MLLT11: variants seen among roughly 807,000 people sequenced by gnomAD.
MLLT11 encodes protein AF1q.
Under a neutral mutation model 5.3 loss-of-function variants are expected in MLLT11, and 1 was observed. The observed-to-expected ratio is 0.19, with a 90% CI of 0.07 to 0.89. The LOEUF is 0.89. MLLT11 is among the 40% of genes least tolerant of loss of function. The pLI is 0.67. For missense variants in MLLT11, 87 were observed against 107.3 expected, an observed-to-expected ratio of 0.81 and a Z score of 0.83; for synonymous variants, 38 against 41.7, an observed-to-expected ratio of 0.91 and a Z score of 0.34.
rs1676499951 is a variant in MLLT11, at chr1:151,068,076, G to A, written c.*579G>A. ...GGGTAGTTAGAGGTATAAAACAGGAGGAAATATTATGGAAAATGAAAATAG... is the reference window on the plus strand; with the variant it reads ...GGGTAGTTAGAGGTATAAAACAGGAAGAAATATTATGGAAAATGAAAATAG... On this transcript the variant is annotated 3_prime_UTR_variant, in exon 2 of 2. Coordinates refer to ENST00000368921, the MANE Select transcript of MLLT11 (RefSeq NM_006818.4). The A allele has an allele frequency of 1.2e-5, 3 of 240,322 alleles. No homozygotes were observed. Among genetic ancestry groups the A allele is most frequent in the Non-Finnish European group, 2.6e-5 (3 of 113,656 alleles). 14.9% of individuals were successfully genotyped at this position (240,322 alleles called of 1,614,324 possible). A position where few individuals can be genotyped will look rare whatever the true frequency, so the allele number is the denominator to read the frequency against.
chr1:151,064,435 T>C (rs991897701), intron 1 of MLLT11, among the ~76,000 whole-genome samples: 4 of 152,192 alleles, frequency 2.6e-5, no homozygotes, highest in Admixed American at 6.5e-5. Flanking sequence ...ATTAATTAAA[T>C]AGTGAGGGAA....
At chr1:151,062,939 A>G (rs587638018) in intron 1 of MLLT11, among the ~76,000 whole-genome samples, 32 of 152,246 alleles carry the variant, frequency 2.1e-4, no homozygotes, top group African/African-American at 7.7e-4. Context: ...GCAAAGTACT[A>G]TGGAGATTAT....
intron 1 of MLLT11, among the ~76,000 whole-genome samples, chr1:151,065,118 A>C (rs1399008261): frequency 6.6e-6 from 1 of 152,202 alleles, no homozygotes; most frequent in African/African-American, 2.4e-5. Context: ...TATTAAATCA[A>C]AAATTTCATT....
In MLLT11 at chr1:151,069,532, G is replaced by A. The variant is rs925264675; in HGVS notation, c.*2035G>A. Among the ~76,000 whole-genome samples, 1 of 152,186 alleles carries A rather than the reference G, an allele frequency of 6.6e-6. No individual in the cohort carries two copies. The highest frequency in any genetic ancestry group is 1.5e-5 in the Non-Finnish European group (1 of 68,020). ...AGGGATCAACTGTTTGGTAAATAAA[G>A]TGACTAAATGGATTTGCAAACTCAT... On this transcript the variant is annotated 3_prime_UTR_variant, in exon 2 of 2. Coordinates refer to ENST00000368921, the MANE Select transcript of MLLT11 (RefSeq NM_006818.4).
Position 151,069,289 on chromosome 1 carries a change from C to G in MLLT11, c.*1792C>G, listed in dbSNP as rs1268234821. 6.6e-6 allele frequency among the ~76,000 whole-genome samples: 1 copy of G among 151,984 alleles called. No individual in the cohort carries two copies. Among genetic ancestry groups the G allele is most frequent in the Non-Finnish European group, 1.5e-5 (1 of 68,008 alleles). ...GGCAGTGTACTATAAATAAGGATGA[C>G]ACTATACCCTAAATAAGGATGATCT... On this transcript the variant is annotated 3_prime_UTR_variant, in exon 2 of 2. Coordinates refer to ENST00000368921, the MANE Select transcript of MLLT11 (RefSeq NM_006818.4).
intron 1 of MLLT11, 49 bp downstream of exon 1, chr1:151,060,602 G>A (rs1322844608): frequency 6.6e-6 from 1 of 152,216 alleles, no homozygotes; most frequent in Non-Finnish European, 1.5e-5. Context: ...ATAGAAGAGC[G>A]GCTGCTTATG....
At chr1:151,061,891 A>G (rs587633048) in intron 1 of MLLT11, among the ~76,000 whole-genome samples, 1 of 152,310 alleles carries the variant, frequency 6.6e-6, no homozygotes, top group Non-Finnish European at 1.5e-5. Flanking sequence ...CTCTGGGTCA[A>G]TGACATAGAG....
At chr1:151,065,824 GTTTT>G (rs992897902) in intron 1 of MLLT11, among the ~76,000 whole-genome samples, 7 of 152,024 alleles carry the variant, frequency 4.6e-5, no homozygotes, top group African/African-American at 1.7e-4. Flanking sequence ...TAGACTTGGA[GTTTT>G]TTGTTTGTTT....
rs1676489222 is a variant in MLLT11 at position 151,067,333 on chromosome 1, A to C, written c.109A>C (p.Thr37Pro). 4.3e-6 allele frequency: 7 copies of C among 1,614,156 alleles called. No homozygotes were observed. Among genetic ancestry groups the C allele is most frequent in the Non-Finnish European group, 5.9e-6 (7 of 1,180,036 alleles). Residue 37 changes from threonine (T) to proline (P), a missense_variant, in exon 2 of 2, where the codon ACC becomes CCC. Thr to Pro is a conservative substitution (Grantham distance 38). Coordinates refer to ENST00000368921, the MANE Select transcript of MLLT11 (RefSeq NM_006818.4). ...LEGLGLSDTA[T>P]YKVKDSSVGK... is the part of the protein sequence containing the mutation. Reference sequence around the variant, plus strand: ...AGGCCTGGGTCTGTCAGATACAGCCACCTACAAGGTCAAAGACAGCAGCGT... The same window carrying C: ...AGGCCTGGGTCTGTCAGATACAGCCCCCTACAAGGTCAAAGACAGCAGCGT...
intron 1 of MLLT11, 82 bp from the exon 2 acceptor site, chr1:151,067,137 T>C: frequency 1.7e-6 from 2 of 1,171,716 alleles, no homozygotes; most frequent in Admixed American, 2.3e-5. Flanking sequence ...TTTACCAGTA[T>C]GTGGAGTATC....
intron 1 of MLLT11, among the ~76,000 whole-genome samples, chr1:151,064,758 G>T (rs1033632931): frequency 6.6e-6 from 1 of 152,138 alleles, no homozygotes; most frequent in African/African-American, 2.4e-5. Context: ...CCCACAAAGG[G>T]TCTGGACAAA....
At position 151,067,606 on chromosome 1, in the gene MLLT11, T is replaced by A; in HGVS notation, c.*109T>A. 1.6e-6 allele frequency: 2 copies of A among 1,223,114 alleles called. No individual in the cohort carries two copies. The highest frequency in any genetic ancestry group is 2.9e-5 in the South Asian group (2 of 69,430). The allele number at this position is 1,223,114 out of a possible 1,614,324, so 75.8% of individuals were successfully genotyped here. On this transcript the variant is annotated 3_prime_UTR_variant, in exon 2 of 2. Transcript: ENST00000368921. The stretch of plus-strand genomic sequence containing the variant: ...TCTTGTTCTCTCCCTACTGTGTTGG[T>A]GGTGCTGATGAATCTGCCAGAGTTG...
rs1676504886 is a variant in MLLT11, at chr1:151,068,423, A to G, written c.*926A>G. 4.5e-6 allele frequency: 1 copy of G among 223,052 alleles called. No individual in the cohort carries two copies. Among genetic ancestry groups the G allele is most frequent in the African/African-American group, 2.3e-5 (1 of 43,956 alleles). 13.8% of individuals were successfully genotyped at this position (223,052 alleles called of 1,614,324 possible). A position where few individuals can be genotyped will look rare whatever the true frequency, so the allele number is the denominator to read the frequency against. ...ATTCTGACTCGACATCTTGTCCCCA[A>G]TCCTTCCAAAAATATTGATGGTGAT... is the stretch of plus-strand genomic sequence containing the variant. On this transcript the variant is annotated 3_prime_UTR_variant, in exon 2 of 2. Coordinates refer to ENST00000368921, the MANE Select transcript of MLLT11 (RefSeq NM_006818.4).
intron 1 of MLLT11, among the ~76,000 whole-genome samples, chr1:151,066,504 G>A (rs1676478102): frequency 6.6e-6 from 1 of 152,180 alleles, no homozygotes; most frequent in Non-Finnish European, 1.5e-5. Context: ...GAGCATAACT[G>A]TAACAGAGGA....
intron 1 of MLLT11, among the ~76,000 whole-genome samples, chr1:151,064,847 G>A (rs1218802039): frequency 1.3e-5 from 2 of 152,184 alleles, no homozygotes; most frequent in Non-Finnish European, 2.9e-5. Context: ...GTATCTCTAA[G>A]AACAGAGTGA....
chr1:151,066,748 C>T (rs189659677), intron 1 of MLLT11, among the ~76,000 whole-genome samples: 1 of 151,874 alleles, frequency 6.6e-6, no homozygotes, highest in Admixed American at 6.6e-5. Flanking sequence ...CATGGTGAAA[C>T]CCCGTCTCTA....
intron 1 of MLLT11, among the ~76,000 whole-genome samples, chr1:151,061,026 ATC>A (rs1245742546): frequency 6.6e-6 from 1 of 152,126 alleles, no homozygotes; most frequent in Non-Finnish European, 1.5e-5. Flanking sequence ...TCTTTGGATA[ATC>A]TCTTTCATTC....
At chr1:151,064,880 A>G (rs1047593333) in intron 1 of MLLT11, among the ~76,000 whole-genome samples, 11 of 152,248 alleles carry the variant, frequency 7.2e-5, no homozygotes, top group Non-Finnish European at 2.9e-5. Context: ...GCCTTTGCCT[A>G]AAATACCTGG....
At position 151,067,721 on chromosome 1, in the gene MLLT11, T is replaced by C; in HGVS notation, c.*224T>C. The stretch of plus-strand genomic sequence containing the variant: ...GTAAATGGTTCAAGCAATGGAGTAC[T>C]GGGTCACAGGGATTCCTCCTTTCCC... On this transcript the variant is annotated 3_prime_UTR_variant, in exon 2 of 2. Transcript: ENST00000368921. 3 of 589,040 alleles carry C rather than the reference T, an allele frequency of 5.1e-6. No individual in the cohort carries two copies. The highest frequency in any genetic ancestry group is 9.2e-6 in the Non-Finnish European group (3 of 326,690). The allele number at this position is 589,040 out of a possible 1,614,324, so 36.5% of individuals were successfully genotyped here.
Sources: gnomAD v4.1 joint callset for allele counts (sites outside exome capture counted in the v4.1 genomes callset) on GRCh38, gnomAD v4.1.1 for gene constraint, MANE v1.5 for transcripts, NCBI Gene and HGNC (gene_info 2026-07-23, HGNC 2026-07-21) for gene names.